Variants in RSPO2 observed in about 807,000 individuals in gnomAD.
The protein encoded by RSPO2 is R-spondin 2.
In RSPO2, 14 loss-of-function variants were observed where a neutral mutation model predicts 30.9. That is an observed-to-expected ratio of 0.45 (90% CI 0.30 to 0.71). RSPO2 has a LOEUF of 0.71. Among genes scored for constraint, RSPO2 ranks in the 30% least tolerant of loss-of-function variants. The pLI, the probability that RSPO2 is intolerant of heterozygous loss-of-function variation, is 0.08. For missense variants in RSPO2, 264 were observed against 301.9 expected (o/e 0.87, Z 0.93); for synonymous variants, 107 against 96.4 (o/e 1.11, Z -0.64).
chr8:108,082,313 G>T (rs1264337117), intron 2 of RSPO2, among the ~76,000 whole-genome samples: 2 of 152,192 alleles, frequency 1.3e-5, no homozygotes, highest in African/African-American at 4.8e-5. Context: ...ATTGGCGCCC[G>T]GCTCGCCGAG....
chr8:108,081,546 G>A (rs1035953609), intron 2 of RSPO2, among the ~76,000 whole-genome samples: 1 of 152,218 alleles, frequency 6.6e-6, no homozygotes, highest in Non-Finnish European at 1.5e-5. Context: ...TTCGATGTGC[G>A]TGTGGTGAGT....
chr8:107,971,358 T>C (rs912893566), intron 3 of RSPO2, among the ~76,000 whole-genome samples: 1 of 152,200 alleles, frequency 6.6e-6, no homozygotes, highest in African/African-American at 2.4e-5. Context: ...TCAAAAATCA[T>C]ATAGCCAACT....
intron 5 of RSPO2, among the ~76,000 whole-genome samples, chr8:107,949,252 A>G (rs1424953307): frequency 1.3e-5 from 2 of 152,106 alleles, no homozygotes; most frequent in Non-Finnish European, 2.9e-5. Flanking sequence ...GAGAACACAC[A>G]ATATCTGGTT....
intron 5 of RSPO2, among the ~76,000 whole-genome samples, chr8:107,948,784 T>C (rs973097698): frequency 6.6e-6 from 1 of 151,418 alleles, no homozygotes; most frequent in African/African-American, 2.4e-5. Flanking sequence ...GGCATGAACC[T>C]GGGAGGCAGA....
At chr8:108,062,712 C>G (rs186556764) in intron 2 of RSPO2, among the ~76,000 whole-genome samples, 2 of 151,932 alleles carry the variant, frequency 1.3e-5, no homozygotes, top group Admixed American at 6.5e-5. Flanking sequence ...ATATCAAAGT[C>G]TGGCAGAGAC....
At chr8:107,919,226 A>G (rs555609765) in intron 5 of RSPO2, among the ~76,000 whole-genome samples, 8 of 152,178 alleles carry the variant, frequency 5.3e-5, no homozygotes, top group Non-Finnish European at 1.2e-4. Flanking sequence ...TAGCCAACAT[A>G]TTAAGATTTA....
At chr8:107,983,579 G>A in intron 3 of RSPO2, 2 of 1,599,176 alleles carry the variant, frequency 1.3e-6, no homozygotes, top group South Asian at 1.1e-5. Flanking sequence ...GCAGAGCCAT[G>A]TATTGGAAGT....
intron 5 of RSPO2, among the ~76,000 whole-genome samples, chr8:107,929,669 A>C (rs1812491057): frequency 6.6e-6 from 1 of 152,110 alleles, no homozygotes; most frequent in East Asian, 1.9e-4. Context: ...GGATACTTTA[A>C]AACACAGTGT....
intron 5 of RSPO2, among the ~76,000 whole-genome samples, chr8:107,935,437 A>C (rs765066887): frequency 3.9e-5 from 6 of 151,936 alleles, no homozygotes; most frequent in Admixed American, 6.6e-5. Flanking sequence ...TCCTGGGAGG[A>C]TTGTCAGGTA....
chr8:107,948,999 AT>A, intron 5 of RSPO2, among the ~76,000 whole-genome samples: 1 of 143,796 alleles, frequency 7.0e-6, no homozygotes, highest in East Asian at 2.0e-4. Context: ...TTTATTGCAT[AT>A]TAGAAACACC....
intron 2 of RSPO2, among the ~76,000 whole-genome samples, chr8:108,041,940 T>C (rs2130658231): frequency 6.6e-6 from 1 of 152,204 alleles, no homozygotes; most frequent in East Asian, 1.9e-4. Context: ...ATCCTGGGTC[T>C]ACCAATATCT....
intron 3 of RSPO2, among the ~76,000 whole-genome samples, chr8:107,987,376 T>G (rs1814683279): frequency 6.6e-6 from 1 of 152,224 alleles, no homozygotes; most frequent in South Asian, 2.1e-4. Flanking sequence ...CCTTAGATAA[T>G]ACCAAGACTT....
chr8:107,937,612 A>G (rs1417023014), intron 5 of RSPO2, among the ~76,000 whole-genome samples: 1 of 76,876 alleles, frequency 1.3e-5, no homozygotes, highest in Non-Finnish European at 3.4e-5. Flanking sequence ...CCATCATTTG[A>G]AGGAAAAAAA....
intron 5 of RSPO2, among the ~76,000 whole-genome samples, chr8:107,940,002 T>C (rs1394875147): frequency 1.3e-5 from 2 of 152,080 alleles, no homozygotes; most frequent in Non-Finnish European, 2.9e-5. Context: ...GAGCAGAACA[T>C]AGCTTCTTCA....
chr8:107,991,249 A>AC (rs1814836354), intron 2 of RSPO2, among the ~76,000 whole-genome samples: 2 of 133,394 alleles, frequency 1.5e-5, no homozygotes, highest in African/African-American at 2.8e-5. Flanking sequence ...CTCCATCTCA[A>AC]ACACACACAC....
Position 107,989,100 on chromosome 8 carries a change from G to T in RSPO2, c.239C>A (p.Ser80Tyr). 6.2e-7 allele frequency: 1 copy of T among 1,609,764 alleles called. No individual in the cohort carries two copies. The highest frequency in any genetic ancestry group is 8.5e-7 in the Non-Finnish European group (1 of 1,179,132). ...TGGGGCTCGGTGTCCATAGTACCCG[G>T]ATGGGCAGGAATGCAGGCACTCTCC... ...QYGECLHSCP[S>Y]GYYGHRAPDM... is the part of the protein sequence containing the mutation. The change falls in exon 3 of 6, where the codon TCC (serine) becomes TAC (tyrosine). Residue 80 changes from serine (S) to tyrosine (Y), a missense_variant. By Grantham distance (144) the Ser-to-Tyr change is moderately radical. Transcript: ENST00000276659.
chr8:107,937,780 A>G lies in RSPO2; in HGVS notation c.616+20300T>C, dbSNP rs561074367. Among the ~76,000 whole-genome samples, 21 of 152,206 alleles carry G rather than the reference A, an allele frequency of 1.4e-4. No homozygotes were observed. The East Asian group carries it at 4.0e-3, about 29-fold the overall frequency. On this transcript the variant is annotated intron_variant, in intron 5 of 5. Transcript: ENST00000276659. Reference sequence around the variant, plus strand: ...CAAATATCTAAATTTGCAATTCTACATTACGGCTTTTCTGTAAAGTTACTC... The same window carrying G: ...CAAATATCTAAATTTGCAATTCTACGTTACGGCTTTTCTGTAAAGTTACTC...
At chr8:107,942,769 G>A (rs1337047883) in intron 5 of RSPO2, among the ~76,000 whole-genome samples, 1 of 152,036 alleles carries the variant, frequency 6.6e-6, no homozygotes, top group Non-Finnish European at 1.5e-5. Context: ...TTGTTAAAAG[G>A]AACAGATGCT....
intron 2 of RSPO2, among the ~76,000 whole-genome samples, chr8:108,078,302 T>C (rs116752891): frequency 6.6e-6 from 1 of 152,162 alleles, no homozygotes; most frequent in Non-Finnish European, 1.5e-5. Context: ...TGCCGTTATG[T>C]TGGAAGAGAA....
Sources: gnomAD v4.1 joint callset for allele counts (sites outside exome capture counted in the v4.1 genomes callset) on GRCh38, gnomAD v4.1.1 for gene constraint, MANE v1.5 for transcripts, NCBI Gene and HGNC (gene_info 2026-07-23, HGNC 2026-07-21) for gene names.